The following C1QTNF7 variants were observed in gnomAD, a reference collection of about 807,000 sequenced individuals.
The protein encoded by C1QTNF7 is complement C1q tumor necrosis factor-related protein 7.
C1QTNF7 carries 15 observed loss-of-function variants against 19.6 expected under a neutral mutation model. The ratio of observed to expected loss-of-function variants is 0.76; its 90% CI spans 0.51 to 1.18. The LOEUF is 1.18. Ranked by LOEUF, C1QTNF7 falls within the 50% of genes most tolerant of loss-of-function variation. The pLI is 0.00. For synonymous variants in C1QTNF7, 142 were observed against 137.5 expected (o/e 1.03, Z -0.23); for missense variants, 324 against 359.7 (o/e 0.90, Z 0.80).
At chr4:15,411,824 G>A (rs1355291255) in intron 1 of C1QTNF7, among the ~76,000 whole-genome samples, 1 of 152,084 alleles carries the variant, frequency 6.6e-6, no homozygotes, top group Non-Finnish European at 1.5e-5. Context: ...TGGATGCTCT[G>A]GGGGAAAAGC....
chr4:15,434,498 AC>A lies in C1QTNF7; in HGVS notation c.-8-1236del, dbSNP rs1410903619. ...GATGATTTCCTTTGGGAGAGTATAC[AC>A]CAGGTCAAGCACTATATAGATTTCT... On this transcript the variant is annotated intron_variant, in intron 1 of 2. Coordinates refer to ENST00000444304, the MANE Select transcript of C1QTNF7 (RefSeq NM_031911.5). Among the ~76,000 whole-genome samples the A allele has an allele frequency of 9.8e-5, 15 of 152,296 alleles. No individual in the cohort carries two copies. In the East Asian group the frequency reaches 2.5e-3, roughly 25 times the overall value.
At chr4:15,346,360 A>G (rs1312831139) in intron 1 of C1QTNF7, among the ~76,000 whole-genome samples, 1 of 152,204 alleles carries the variant, frequency 6.6e-6, no homozygotes, top group East Asian at 1.9e-4. Flanking sequence ...AATTAAGACG[A>G]ATTATAGATT....
chr4:15,432,754 G>GT (rs1413651050), intron 1 of C1QTNF7, among the ~76,000 whole-genome samples: 1 of 152,162 alleles, frequency 6.6e-6, no homozygotes, highest in Non-Finnish European at 1.5e-5. Flanking sequence ...CTTTTTTAAA[G>GT]TTTTAATTGG....
At chr4:15,373,232 C>T (rs1453820008) in intron 1 of C1QTNF7, among the ~76,000 whole-genome samples, 1 of 152,164 alleles carries the variant, frequency 6.6e-6, no homozygotes, top group Non-Finnish European at 1.5e-5. Flanking sequence ...TCCAGAGGGA[C>T]AAATGCTATG....
intron 1 of C1QTNF7, among the ~76,000 whole-genome samples, chr4:15,380,476 G>C (rs948944930): frequency 1.3e-5 from 2 of 152,300 alleles, no homozygotes; most frequent in Non-Finnish European, 2.9e-5. Context: ...GAAAACAAAA[G>C]CCTTTTCCTT....
intron 1 of C1QTNF7, among the ~76,000 whole-genome samples, chr4:15,403,889 C>T (rs765829501): frequency 1.1e-4 from 16 of 152,006 alleles, no homozygotes; most frequent in Non-Finnish European, 2.4e-4. Flanking sequence ...ATATAAAATA[C>T]CTAAATTTTA....
At chr4:15,377,998 C>T (rs1343302061) in intron 1 of C1QTNF7, among the ~76,000 whole-genome samples, 1 of 152,202 alleles carries the variant, frequency 6.6e-6, no homozygotes, top group Non-Finnish European at 1.5e-5. Flanking sequence ...AAAGTCCCTG[C>T]CTTTGTGGAG....
intron 1 of C1QTNF7, among the ~76,000 whole-genome samples, chr4:15,353,317 G>A (rs939241880): frequency 4.6e-5 from 7 of 152,238 alleles, no homozygotes; most frequent in Admixed American, 2.0e-4. Flanking sequence ...TTAAGATCAC[G>A]TTGGGTAAGA....
intron 1 of C1QTNF7, among the ~76,000 whole-genome samples, chr4:15,365,773 G>A (rs1717493775): frequency 6.6e-6 from 1 of 152,002 alleles, no homozygotes; most frequent in African/African-American, 2.4e-5. Context: ...CCAATGATAG[G>A]CTTCACTAAG....
chr4:15,365,666 G>C (rs1717489785), intron 1 of C1QTNF7, among the ~76,000 whole-genome samples: 1 of 152,152 alleles, frequency 6.6e-6, no homozygotes, highest in Non-Finnish European at 1.5e-5. Flanking sequence ...GGATCCAGGG[G>C]CTCAAAAGAT....
At chr4:15,343,012 TAG>T (rs1716596796) in intron 1 of C1QTNF7, among the ~76,000 whole-genome samples, 1 of 152,198 alleles carries the variant, frequency 6.6e-6, no homozygotes, top group Non-Finnish European at 1.5e-5. Context: ...AGGATTAAAT[TAG>T]AGAGTCTGTG....
chr4:15,387,805 T>C (rs1718395446), intron 1 of C1QTNF7, among the ~76,000 whole-genome samples: 1 of 152,192 alleles, frequency 6.6e-6, no homozygotes, highest in Non-Finnish European at 1.5e-5. Context: ...AATTTACATA[T>C]CTAATTTTAC....
chr4:15,367,484 C>T (rs1717568964), intron 1 of C1QTNF7, among the ~76,000 whole-genome samples: 1 of 152,142 alleles, frequency 6.6e-6, no homozygotes, highest in South Asian at 2.1e-4. Flanking sequence ...CACAAGTTGA[C>T]TTTTTAAATT....
intron 1 of C1QTNF7, among the ~76,000 whole-genome samples, chr4:15,375,606 C>T (rs145171106): frequency 2.0e-5 from 3 of 152,140 alleles, no homozygotes; most frequent in Non-Finnish European, 4.4e-5. Flanking sequence ...TTTGGATCAG[C>T]CTTTGTCCTC....
chr4:15,356,336 G>C (rs1717146222), intron 1 of C1QTNF7, among the ~76,000 whole-genome samples: 1 of 152,022 alleles, frequency 6.6e-6, no homozygotes, highest in African/African-American at 2.4e-5. Context: ...ACTTATGAGT[G>C]AGAACATGCA....
intron 1 of C1QTNF7, among the ~76,000 whole-genome samples, chr4:15,419,203 T>A (rs1177897214): frequency 6.6e-6 from 1 of 152,156 alleles, no homozygotes; most frequent in Non-Finnish European, 1.5e-5. Flanking sequence ...ACATAAAACA[T>A]ACAGACCTTT....
chr4:15,423,699 C>T (rs913569059), upstream of C1QTNF7, among the ~76,000 whole-genome samples: 2 of 152,204 alleles, frequency 1.3e-5, no homozygotes, highest in Non-Finnish European at 2.9e-5. Context: ...TTATGCCTGC[C>T]TTTGCTCTTT....
intron 1 of C1QTNF7, among the ~76,000 whole-genome samples, chr4:15,359,022 G>C (rs1577233530): frequency 6.6e-6 from 1 of 152,246 alleles, no homozygotes; most frequent in East Asian, 1.9e-4. Context: ...GGGACAATTG[G>C]GCATGCACCA....
Position 15,442,913 on chromosome 4 carries a change from G to A in C1QTNF7, c.*114G>A, listed in dbSNP as rs1351774479. ...CCACTCAGATTCTAAAGCATTTAAA[G>A]ACAATTCTAGCAGAATTTATCAAAA... On this transcript the variant is annotated 3_prime_UTR_variant, in exon 3 of 3. Transcript: ENST00000444304. The A allele has an allele frequency of 1.8e-6, 2 of 1,140,376 alleles. No individual in the cohort carries two copies. Among genetic ancestry groups the A allele is most frequent in the Admixed American group, 5.2e-5 (2 of 38,460 alleles). 70.6% of individuals were successfully genotyped at this position (1,140,376 alleles called of 1,614,324 possible).
Sources: allele counts gnomAD v4.1 joint callset (sites outside exome capture counted in the v4.1 genomes callset), GRCh38; gene constraint gnomAD v4.1.1; transcripts MANE v1.5; gene names NCBI Gene and HGNC (gene_info 2026-07-23, HGNC 2026-07-21).